Variants in MECOM observed in about 807,000 individuals in gnomAD.
The protein encoded by MECOM is histone-lysine N-methyltransferase MECOM.
MECOM carries 13 observed loss-of-function variants against 116.3 expected under a neutral mutation model. The observed-to-expected ratio is 0.11, with a 90% confidence interval of 0.07 to 0.18. The LOEUF (loss-of-function observed/expected upper bound fraction) is 0.18, where lower values mean the gene tolerates loss of function less well. Ranked by LOEUF, MECOM falls within the 10% of genes least tolerant of loss-of-function variation. MECOM has a pLI of 1.00. For synonymous variants in MECOM, 528 were observed against 535.2 expected (o/e 0.99, Z 0.19); for missense variants, 1,299 against 1,509.0 (o/e 0.86, Z 2.31).
intron 1 of MECOM, among the ~76,000 whole-genome samples, chr3:169,461,395 G>A (rs1030362417): frequency 2.0e-5 from 3 of 152,140 alleles, no homozygotes; most frequent in Non-Finnish European, 4.4e-5. Context: ...CCCAGAGGAA[G>A]CTGACATCAT....
At chr3:169,580,705 C>G (rs1488756973) in intron 1 of MECOM, among the ~76,000 whole-genome samples, 1 of 152,176 alleles carries the variant, frequency 6.6e-6, no homozygotes, top group Non-Finnish European at 1.5e-5. Flanking sequence ...AGAGAAAAGT[C>G]ATAGACATTA....
At chr3:169,496,372 G>C (rs1227697608) in intron 1 of MECOM, among the ~76,000 whole-genome samples, 6 of 152,194 alleles carry the variant, frequency 3.9e-5, no homozygotes, top group Non-Finnish European at 8.8e-5. Flanking sequence ...TAAAACCCTT[G>C]TGGTGTTTGT....
At chr3:169,250,461 A>C (rs1187852837) in intron 2 of MECOM, among the ~76,000 whole-genome samples, 1 of 152,178 alleles carries the variant, frequency 6.6e-6, no homozygotes, top group East Asian at 1.9e-4. Context: ...AACAAAAGGC[A>C]TATGTTTGAC....
chr3:169,648,273 G>T (rs1774429380), intron 1 of MECOM, among the ~76,000 whole-genome samples: 1 of 152,190 alleles, frequency 6.6e-6, no homozygotes. Flanking sequence ...TAAAACCTTG[G>T]TGACTGATAT....
intron 1 of MECOM, among the ~76,000 whole-genome samples, chr3:169,656,686 A>T (rs574513731): frequency 2.0e-4 from 30 of 152,290 alleles, no homozygotes; most frequent in African/African-American, 7.2e-4. Flanking sequence ...CTTGGCTTTG[A>T]GTTCTCCACA....
Position 169,594,176 on chromosome 3 carries a change from A to AAAAAAC in MECOM, c.37+69159_37+69160insGTTTTT, listed in dbSNP as rs1553894631. On this transcript the variant is annotated intron_variant, in intron 1 of 16. Transcript: ENST00000651503. The stretch of plus-strand genomic sequence containing the variant: ...CCACAAAAAAAAAAAAAAAAAAAAA[A>AAAAAAC]CACCTTTTCACCTAAGTACCTCAAG... 6.0e-4 allele frequency among the ~76,000 whole-genome samples: 84 copies of AAAAAAC among 139,796 alleles called. 1 individual carries two copies. Among genetic ancestry groups the AAAAAAC allele is most frequent in the African/African-American group, 1.5e-3 (54 of 35,258 alleles). 91.7% of individuals were successfully genotyped at this position (139,796 alleles called of 152,430 possible). A position where few individuals can be genotyped will look rare whatever the true frequency, so the allele number is the denominator to read the frequency against.
chr3:169,524,935 T>A (rs1485519506), intron 1 of MECOM, among the ~76,000 whole-genome samples: 1 of 151,950 alleles, frequency 6.6e-6, no homozygotes, highest in Non-Finnish European at 1.5e-5. Context: ...GAAGAACTCT[T>A]AGGTTAGAAA....
Position 169,141,249 on chromosome 3 carries a change from A to G in MECOM, c.510+2449T>C, listed in dbSNP as rs527759799. 8.5e-5 allele frequency among the ~76,000 whole-genome samples: 13 copies of G among 152,184 alleles called. No homozygotes were observed. The South Asian group carries it at 2.7e-3, about 32-fold the overall frequency. Reference sequence around the variant, plus strand: ...CCAGGATTTATACCTGTCTTGCTCTAAAATTCACTTGATAAACTTTATCCG... The same window carrying G: ...CCAGGATTTATACCTGTCTTGCTCTGAAATTCACTTGATAAACTTTATCCG... On this transcript the variant is annotated intron_variant, in intron 3 of 16. Transcript: ENST00000651503.
At chr3:169,594,896 A>AC (rs1766956989) in intron 1 of MECOM, among the ~76,000 whole-genome samples, 1 of 151,610 alleles carries the variant, frequency 6.6e-6, no homozygotes, top group South Asian at 2.1e-4. Context: ...AAAAAACAAA[A>AC]AAAAAACTGG....
chr3:169,487,604 A>G (rs1411542108), intron 1 of MECOM, among the ~76,000 whole-genome samples: 1 of 152,130 alleles, frequency 6.6e-6, no homozygotes, highest in Non-Finnish European at 1.5e-5. Flanking sequence ...AAAAACAAGT[A>G]GAAGAAAAAG....
intron 1 of MECOM, among the ~76,000 whole-genome samples, chr3:169,619,397 G>A (rs1192086192): frequency 6.6e-6 from 1 of 152,184 alleles, no homozygotes; most frequent in Non-Finnish European, 1.5e-5. Context: ...ACAAAAGGAA[G>A]GAGAGCCCTG....
chr3:169,147,739 CGA>C lies in MECOM; in HGVS notation c.376-3909_376-3908del, dbSNP rs1491045971. ...TGGTGTGTGTGTGTGTGTGTGCGCG[CGA>C]GTGTGTGTGTGCATGTGTGTGTGTG... On this transcript the variant is annotated intron_variant, in intron 2 of 16. Transcript: ENST00000651503. The C allele has an allele frequency of 1.9e-4, 184 of 977,286 alleles. No individual in the cohort carries two copies. In the African/African-American group the frequency reaches 3.1e-3, roughly 17 times the overall value. 60.5% of individuals were successfully genotyped at this position (977,286 alleles called of 1,614,324 possible).
chr3:169,111,374 TTA>T (rs1727335944), intron 9 of MECOM, among the ~76,000 whole-genome samples: 2 of 152,172 alleles, frequency 1.3e-5, no homozygotes, highest in African/African-American at 4.8e-5. Context: ...TACATGAATA[TTA>T]TATGTTCATA....
chr3:169,632,931 T>A (rs774979375), intron 1 of MECOM, among the ~76,000 whole-genome samples: 5 of 152,224 alleles, frequency 3.3e-5, no homozygotes, highest in Non-Finnish European at 5.9e-5. Context: ...TCTCCAACAC[T>A]AGGTTCATTG....
chr3:169,322,185 C>A (rs1225446624), intron 2 of MECOM, among the ~76,000 whole-genome samples: 1 of 152,068 alleles, frequency 6.6e-6, no homozygotes, highest in Non-Finnish European at 1.5e-5. Flanking sequence ...GTGTGTGTTT[C>A]CTCTTAGGTG....
At chr3:169,117,903 C>T (rs573169092) in intron 7 of MECOM, among the ~76,000 whole-genome samples, 16 of 137,448 alleles carry the variant, frequency 1.2e-4, no homozygotes, top group South Asian at 2.3e-4. Flanking sequence ...GATTGAGCCA[C>T]GTTATGTGTG....
At chr3:169,385,697 A>G (rs1215649704) in intron 1 of MECOM, among the ~76,000 whole-genome samples, 1 of 152,206 alleles carries the variant, frequency 6.6e-6, no homozygotes, top group Non-Finnish European at 1.5e-5. Context: ...AGCTGCTAAA[A>G]CATTTCATCT....
chr3:169,572,904 C>A (rs1480281987), intron 1 of MECOM, among the ~76,000 whole-genome samples: 1 of 152,044 alleles, frequency 6.6e-6, no homozygotes, highest in Non-Finnish European at 1.5e-5. Flanking sequence ...GTGCAGCAAA[C>A]CACCATGGCA....
intron 1 of MECOM, among the ~76,000 whole-genome samples, chr3:169,440,981 C>T (rs1435151065): frequency 6.6e-6 from 1 of 152,184 alleles, no homozygotes; most frequent in Non-Finnish European, 1.5e-5. Context: ...GCAGAGCTGA[C>T]AATACCTTAG....
Sources: allele counts gnomAD v4.1 joint callset (sites outside exome capture counted in the v4.1 genomes callset), GRCh38; gene constraint gnomAD v4.1.1; transcripts MANE v1.5; gene names NCBI Gene and HGNC (gene_info 2026-07-23, HGNC 2026-07-21).